The following SEMA3C variants were observed in gnomAD, a reference collection of about 807,000 sequenced individuals.
SEMA3C encodes the protein semaphorin 3C.
Under a neutral mutation model 89.4 loss-of-function variants are expected in SEMA3C, and 47 were observed. That is an observed-to-expected ratio of 0.53 (90% CI 0.42 to 0.67). SEMA3C has a LOEUF of 0.67. SEMA3C is among the 30% of genes least tolerant of loss of function. The pLI is 0.00. For synonymous variants in SEMA3C, 310 were observed against 320.2 expected (o/e 0.97, Z 0.34); for missense variants, 839 against 929.1 (o/e 0.90, Z 1.26).
chr7:80,912,004 T>G (rs1358293322), intron 2 of SEMA3C, among the ~76,000 whole-genome samples: 7 of 152,132 alleles, frequency 4.6e-5, no homozygotes, highest in Non-Finnish European at 7.3e-5. Context: ...CTCTTCTAAC[T>G]TCAGAACACT....
At chr7:80,834,297 G>A (rs899940945) in intron 2 of SEMA3C, among the ~76,000 whole-genome samples, 1 of 152,038 alleles carries the variant, frequency 6.6e-6, no homozygotes, top group South Asian at 2.1e-4. Flanking sequence ...AATGTTCCCT[G>A]GGGTAAAATT....
intron 5 of SEMA3C, 78 bp from the exon 6 acceptor site, chr7:80,810,779 C>A: frequency 8.9e-7 from 1 of 1,118,486 alleles, no homozygotes; most frequent in Non-Finnish European, 1.3e-6. Context: ...TAAAACAAAG[C>A]ATCATTAAAA....
chr7:80,793,641 T>A, intron 11 of SEMA3C: 1 of 349,840 alleles, frequency 2.9e-6, no homozygotes, highest in Non-Finnish European at 5.5e-6. Context: ...AAAACAAGTT[T>A]ATAACAGTGG....
At chr7:80,777,523 C>T (rs1338056249) in intron 12 of SEMA3C, among the ~76,000 whole-genome samples, 2 of 152,144 alleles carry the variant, frequency 1.3e-5, no homozygotes, top group African/African-American at 2.4e-5. Context: ...AACTCCTGAC[C>T]TCAGGTGATC....
intron 12 of SEMA3C, among the ~76,000 whole-genome samples, chr7:80,777,058 G>A (rs1788567170): frequency 6.6e-6 from 1 of 152,000 alleles, no homozygotes. Flanking sequence ...TAATCGCTAG[G>A]TTGTACACTC....
At chr7:80,789,052 C>T (rs1788870279) in intron 12 of SEMA3C, among the ~76,000 whole-genome samples, 1 of 151,828 alleles carries the variant, frequency 6.6e-6, no homozygotes, top group South Asian at 2.1e-4. Flanking sequence ...TCATATAGCC[C>T]TACCTACATA....
Position 80,744,999 on chromosome 7 carries a change from C to G in SEMA3C, c.2151G>C (p.Gln717His). 6.2e-7 allele frequency: 1 copy of G among 1,614,084 alleles called. No homozygotes were observed. The highest frequency in any genetic ancestry group is 8.5e-7 in the Non-Finnish European group (1 of 1,179,974). The change falls in exon 18 of 18, where the codon CAG (glutamine) becomes CAC (histidine). Residue 717 changes from glutamine to histidine, a missense_variant. Coordinates refer to ENST00000265361, the MANE Select transcript of SEMA3C (RefSeq NM_006379.5). The stretch of plus-strand genomic sequence containing the variant: ...TCATTTTCTGTGATTCATCTCCCTG[C>G]TGATGTTGCTGCCGAGTGTCTTTGC... Reference protein sequence around the residue: ...QYCKDTRQQHQQGDESQKMRG... With the variant: ...QYCKDTRQQHHQGDESQKMRG...
chr7:80,759,157 C>T (rs1788130869), intron 14 of SEMA3C, among the ~76,000 whole-genome samples: 1 of 152,152 alleles, frequency 6.6e-6, no homozygotes, highest in African/African-American at 2.4e-5. Flanking sequence ...AGGATGTCTA[C>T]TGCTTCCAAG....
At chr7:80,825,408 T>C (rs1187018170) in intron 4 of SEMA3C, among the ~76,000 whole-genome samples, 5 of 152,184 alleles carry the variant, frequency 3.3e-5, no homozygotes, top group East Asian at 1.9e-4. Flanking sequence ...TGTGTATAAC[T>C]GGCCATATAG....
chr7:80,844,954 T>C (rs1790354216), intron 2 of SEMA3C, among the ~76,000 whole-genome samples: 1 of 152,136 alleles, frequency 6.6e-6, no homozygotes, highest in African/African-American at 2.4e-5. Context: ...TGAAATGTCT[T>C]TCCTTTGTCA....
chr7:80,749,361 C>G (rs6966341), intron 16 of SEMA3C, among the ~76,000 whole-genome samples: 6 of 151,932 alleles, frequency 3.9e-5, no homozygotes, highest in Non-Finnish European at 5.9e-5. Context: ...ATTTTCTCAG[C>G]TTTTCACAGC....
At chr7:80,848,810 T>C (rs1458860632) in intron 2 of SEMA3C, among the ~76,000 whole-genome samples, 3 of 152,242 alleles carry the variant, frequency 2.0e-5, no homozygotes, top group African/African-American at 7.2e-5. Context: ...ATGTATTTTA[T>C]AGAAGCTAGT....
In SEMA3C at chr7:80,798,512, T is replaced by C. The variant is rs545943013; in HGVS notation, c.987-276A>G. ...ATACAGGACAACTCAAAAAAGTTTC[T>C]AACTAGTTCATCTTAGCAGCAAGAA... On this transcript the variant is annotated intron_variant, in intron 10 of 17. Transcript: ENST00000265361. Among the ~76,000 whole-genome samples the C allele has an allele frequency of 1.6e-3, 251 of 152,330 alleles. 2 individuals are homozygous for C. Among genetic ancestry groups the C allele is most frequent in the African/African-American group, 5.5e-3 (227 of 41,582 alleles).
intron 2 of SEMA3C, among the ~76,000 whole-genome samples, chr7:80,858,761 A>C (rs908350261): frequency 3.3e-5 from 5 of 152,138 alleles, no homozygotes; most frequent in African/African-American, 1.2e-4. Context: ...TGCTTTTCAC[A>C]TCCTCCTTTG....
intron 2 of SEMA3C, among the ~76,000 whole-genome samples, chr7:80,910,798 G>A (rs2116236722): frequency 6.6e-6 from 1 of 151,350 alleles, no homozygotes. Flanking sequence ...AAAAAATTGA[G>A]TGTGTCTCGG....
chr7:80,806,443 G>T (rs1789344325), intron 6 of SEMA3C, among the ~76,000 whole-genome samples: 1 of 152,080 alleles, frequency 6.6e-6, no homozygotes, highest in Non-Finnish European at 1.5e-5. Context: ...TTGATCTTTA[G>T]TGCTAGAAGT....
intron 4 of SEMA3C, among the ~76,000 whole-genome samples, chr7:80,824,811 G>A (rs1343966821): frequency 1.3e-5 from 2 of 152,082 alleles, no homozygotes; most frequent in Admixed American, 1.3e-4. Context: ...TACAGGTGGT[G>A]ACAATAATGT....
chr7:80,806,167 G>A (rs145527263), intron 6 of SEMA3C, among the ~76,000 whole-genome samples: 1 of 152,134 alleles, frequency 6.6e-6, no homozygotes, highest in African/African-American at 2.4e-5. Context: ...AGAAAACATG[G>A]TTTCTAACTT....
chr7:80,869,420 T>C (rs773104783), intron 2 of SEMA3C, among the ~76,000 whole-genome samples: 2 of 152,198 alleles, frequency 1.3e-5, no homozygotes, highest in Non-Finnish European at 2.9e-5. Flanking sequence ...TTAATATTTA[T>C]AGCCCATAAC....
Sources: gnomAD v4.1 joint callset for allele counts (sites outside exome capture counted in the v4.1 genomes callset) on GRCh38, gnomAD v4.1.1 for gene constraint, MANE v1.5 for transcripts, NCBI Gene and HGNC (gene_info 2026-07-23, HGNC 2026-07-21) for gene names.